The following JRK variants were observed in gnomAD, a reference collection of about 807,000 sequenced individuals.
JRK encodes jerky protein homolog.
For missense variants in JRK, 720 were observed against 509.2 expected, an observed-to-expected ratio of 1.41 and a Z score of -3.98; for synonymous variants, 303 against 218.1, an observed-to-expected ratio of 1.39 and a Z score of -3.43.
the JRK span, among the ~76,000 whole-genome samples, chr8:142,648,642 T>G: frequency 9.9e-5 from 15 of 152,236 alleles, no homozygotes; most frequent in Non-Finnish European, 1.9e-4. Flanking sequence ...CAGGCAGAAG[T>G]TTGCTGCAGG....
chr8:142,645,539 G>A, the JRK span, among the ~76,000 whole-genome samples: 1 of 152,188 alleles, frequency 6.6e-6, no homozygotes, highest in South Asian at 2.1e-4. Context: ...AATTAGCTGG[G>A]CATGGTGGTG....
Position 142,659,407 on chromosome 8 carries a change from C to T in JRK, c.*4945G>A. The T allele has an allele frequency of 1.0e-6, 1 of 987,248 alleles. No individual in the cohort carries two copies. The highest frequency in any genetic ancestry group is 1.2e-6 in the Non-Finnish European group (1 of 831,060). 61.2% of individuals were successfully genotyped at this position (987,248 alleles called of 1,614,324 possible). On this transcript the variant is annotated 3_prime_UTR_variant, in exon 2 of 2. Coordinates refer to ENST00000612905, the MANE Select transcript of JRK (RefSeq NM_003724.4). ...CGATCCTCGCCTGTGTGGGACGGGGCTACCTGCAGACATAGAGGGCCTTTG... is the reference window on the plus strand; with the variant it reads ...CGATCCTCGCCTGTGTGGGACGGGGTTACCTGCAGACATAGAGGGCCTTTG...
chr8:142,645,812 T>A, the JRK span, among the ~76,000 whole-genome samples: 1 of 152,246 alleles, frequency 6.6e-6, no homozygotes, highest in Admixed American at 6.5e-5. Flanking sequence ...TAGGACTAAA[T>A]TGATCATACA....
intron 1 of JRK, among the ~76,000 whole-genome samples, chr8:142,669,708 C>T (rs1229359180): frequency 1.3e-5 from 2 of 151,042 alleles, no homozygotes; most frequent in East Asian, 1.9e-4. Flanking sequence ...GCGCGGGAAG[C>T]ACAGGGCTTC....
chr8:142,667,357 T>C (rs1847158659), intron 1 of JRK, among the ~76,000 whole-genome samples: 1 of 151,726 alleles, frequency 6.6e-6, no homozygotes, highest in African/African-American at 2.4e-5. Flanking sequence ...AACCCCAGGC[T>C]CTAGTGCTGC....
chr8:142,644,139 C>A, the JRK span, among the ~76,000 whole-genome samples: 1 of 152,018 alleles, frequency 6.6e-6, no homozygotes, highest in African/African-American at 2.4e-5. Context: ...TCTGATGTCA[C>A]CATCTCCAAA....
Position 142,661,042 on chromosome 8 carries a change from C to G in JRK, c.*3310G>C, listed in dbSNP as rs966271858. 4 of 985,262 alleles carry G rather than the reference C, an allele frequency of 4.1e-6. No individual in the cohort carries two copies. The highest frequency in any genetic ancestry group is 1.7e-5 in the African/African-American group (1 of 57,236). The allele number at this position is 985,262 out of a possible 1,614,324, so 61.0% of individuals were successfully genotyped here. A position where few individuals can be genotyped will look rare whatever the true frequency, so the allele number is the denominator to read the frequency against. ...AATCACTTGGCCCACTGGATAAGAA[C>G]AGTGGCCTGCGACGTCAGGGGCAGT... On this transcript the variant is annotated 3_prime_UTR_variant, in exon 2 of 2. Transcript: ENST00000612905.
downstream of JRK, among the ~76,000 whole-genome samples, chr8:142,655,355 G>A (rs587678498): frequency 2.0e-5 from 3 of 152,350 alleles, no homozygotes; most frequent in African/African-American, 4.8e-5. Flanking sequence ...GGCCCCACAC[G>A]AATCAGACAT....
At position 142,660,229 on chromosome 8, in the gene JRK, G is replaced by A. The variant is rs1178302697; in HGVS notation, c.*4123C>T. On this transcript the variant is annotated 3_prime_UTR_variant, in exon 2 of 2. Coordinates refer to ENST00000612905, the MANE Select transcript of JRK (RefSeq NM_003724.4). Reference sequence around the variant, plus strand: ...GTCAAGGAGAGTCCTCGAACCCAGAGGGGGCTGGGTAAGCAGCAGAAGTGC... The same window carrying A: ...GTCAAGGAGAGTCCTCGAACCCAGAAGGGGCTGGGTAAGCAGCAGAAGTGC... 5 of 985,468 alleles carry A rather than the reference G, an allele frequency of 5.1e-6. No individual in the cohort carries two copies. Among genetic ancestry groups the A allele is most frequent in the Middle Eastern group, 1.0e-3 (2 of 1,936 alleles). 61.0% of individuals were successfully genotyped at this position (985,468 alleles called of 1,614,324 possible). A position where few individuals can be genotyped will look rare whatever the true frequency, so the allele number is the denominator to read the frequency against.
At chr8:142,646,715 A>AT in the JRK span, among the ~76,000 whole-genome samples, 6,778 of 152,228 alleles carry the variant, frequency 0.045, 158 homozygotes, top group Non-Finnish European at 0.053. Flanking sequence ...TTTGATTAGT[A>AT]TTTTTTTCCT....
intron 1 of JRK, among the ~76,000 whole-genome samples, chr8:142,667,009 C>A (rs1847148204): frequency 6.6e-6 from 1 of 152,206 alleles, no homozygotes; most frequent in African/African-American, 2.4e-5. Context: ...GGAGGAGGAA[C>A]TCCTCACTAC....
chr8:142,664,951 A>T lies in JRK; in HGVS notation c.1108T>A (p.Trp370Arg). 1 of 787,622 alleles carries T rather than the reference A, an allele frequency of 1.3e-6. No individual in the cohort carries two copies. Among genetic ancestry groups the T allele is most frequent in the Non-Finnish European group, 2.3e-6 (1 of 437,996 alleles). The allele number at this position is 787,622 out of a possible 1,614,324, so 48.8% of individuals were successfully genotyped here. A position where few individuals can be genotyped will look rare whatever the true frequency, so the allele number is the denominator to read the frequency against. Residue 370 changes from tryptophan (W) to arginine (R), a missense_variant, in exon 2 of 2, where the codon TGG becomes AGG. Transcript: ENST00000612905. ...AAGACGTGGCTAGGGACTGCGTTCC[A>T]GGCACAGGCCACGCTGAATATGGCA... ...NDAIFSVACA[W>R]NAVPSHVFRR... is the part of the protein sequence containing the mutation.
At chr8:142,668,860 G>T (rs1554636707) in intron 1 of JRK, among the ~76,000 whole-genome samples, 1 of 151,714 alleles carries the variant, frequency 6.6e-6, no homozygotes, top group African/African-American at 2.4e-5. Flanking sequence ...CGTGTCTGGT[G>T]CTGAGTCTCC....
rs1361373923 is a variant in JRK, at chr8:142,657,467, TAAAGA to T, written c.*6880_*6884del. Reference sequence around the variant, plus strand: ...GTAACACCTGAGGCTGAGTAATTTATAAAGAAAAGAGGTTTATTTGGCTCACAGTT... The same window carrying T: ...GTAACACCTGAGGCTGAGTAATTTATAAAGAGGTTTATTTGGCTCACAGTT... On this transcript the variant is annotated 3_prime_UTR_variant, in exon 2 of 2. Coordinates refer to ENST00000612905, the MANE Select transcript of JRK (RefSeq NM_003724.4). 1 of 156,532 alleles carries T rather than the reference TAAAGA, an allele frequency of 6.4e-6. No individual in the cohort carries two copies. Among genetic ancestry groups the T allele is most frequent in the African/African-American group, 2.4e-5 (1 of 41,528 alleles). The allele number at this position is 156,532 out of a possible 1,614,324, so 9.7% of individuals were successfully genotyped here. A position where few individuals can be genotyped will look rare whatever the true frequency, so the allele number is the denominator to read the frequency against.
Position 142,663,688 on chromosome 8 carries a change from C to G in JRK, c.*664G>C. 1.0e-6 allele frequency: 1 copy of G among 985,480 alleles called. No individual in the cohort carries two copies. Among genetic ancestry groups the G allele is most frequent in the Non-Finnish European group, 1.2e-6 (1 of 829,954 alleles). The allele number at this position is 985,480 out of a possible 1,614,324, so 61.0% of individuals were successfully genotyped here. On this transcript the variant is annotated 3_prime_UTR_variant, in exon 2 of 2. Coordinates refer to ENST00000612905, the MANE Select transcript of JRK (RefSeq NM_003724.4). ...AACTCTCCGTGGGGCCCCCCAACAT[C>G]TTGGGGCCAGAGCCCATGGGACAGG...
In JRK at chr8:142,663,076, C is replaced by A; in HGVS notation, c.*1276G>T. 1 of 842,590 alleles carries A rather than the reference C, an allele frequency of 1.2e-6. No homozygotes were observed. The highest frequency in any genetic ancestry group is 1.4e-6 in the Non-Finnish European group (1 of 699,800). 52.2% of individuals were successfully genotyped at this position (842,590 alleles called of 1,614,324 possible). A position where few individuals can be genotyped will look rare whatever the true frequency, so the allele number is the denominator to read the frequency against. On this transcript the variant is annotated 3_prime_UTR_variant, in exon 2 of 2. Transcript: ENST00000612905. ...GCTGGGGCGGGAGGATCACTCAAGC[C>A]AGGGAGGTCGAGGCTGCAGTGAGCT...
the JRK span, among the ~76,000 whole-genome samples, chr8:142,645,906 C>A: frequency 6.6e-6 from 1 of 152,118 alleles, no homozygotes; most frequent in Non-Finnish European, 1.5e-5. Context: ...TTCTTTACAT[C>A]TATTTCCTGG....
the JRK span, among the ~76,000 whole-genome samples, chr8:142,646,773 C>T: frequency 1.3e-5 from 2 of 152,146 alleles, no homozygotes; most frequent in African/African-American, 4.8e-5. Context: ...GCCAGTTAAT[C>T]AGAGCTCTTT....
Position 142,665,144 on chromosome 8 carries a change from C to T in JRK, c.915G>A (p.Pro305=), listed in dbSNP as rs1451134232. ...TACTGGACACCAGCTCGGCCTCCTGCGGGTGAGCCCGGGAGCTGTCCAGCA... is the reference window on the plus strand; with the variant it reads ...TACTGGACACCAGCTCGGCCTCCTGTGGGTGAGCCCGGGAGCTGTCCAGCA... ...VLLLDSSRAH[P]QEAELVSSNV... Residue 305 remains proline (P), a synonymous_variant, in exon 2 of 2, where the codon CCG becomes CCA. Coordinates refer to ENST00000612905, the MANE Select transcript of JRK (RefSeq NM_003724.4). 4.2e-6 allele frequency: 3 copies of T among 717,702 alleles called. No individual in the cohort carries two copies. The highest frequency in any genetic ancestry group is 2.0e-5 in the Admixed American group (1 of 50,008). 44.5% of individuals were successfully genotyped at this position (717,702 alleles called of 1,614,324 possible).
Sources: gnomAD v4.1 joint callset for allele counts (sites outside exome capture counted in the v4.1 genomes callset) on GRCh38, gnomAD v4.1.1 for gene constraint, MANE v1.5 for transcripts, NCBI Gene and HGNC (gene_info 2026-07-23, HGNC 2026-07-21) for gene names.